PDE1C: variants seen among roughly 807,000 people sequenced by gnomAD.
PDE1C encodes the protein dual specificity calcium/calmodulin-dependent 3',5'-cyclic nucleotide phosphodiesterase 1C.
A neutral mutation model predicts 93.1 loss-of-function variants in PDE1C; 62 were observed. That is an observed-to-expected ratio of 0.67 (90% CI 0.54 to 0.82). PDE1C has a LOEUF of 0.82. Among genes scored for constraint, PDE1C ranks in the 40% least tolerant of loss-of-function variants. PDE1C has a pLI of 0.00. For missense variants in PDE1C, 742 were observed against 884.6 expected, an observed-to-expected ratio of 0.84 and a Z score of 2.04; for synonymous variants, 325 against 310.1, an observed-to-expected ratio of 1.05 and a Z score of -0.50.
chr7:31,963,291 G>T (rs141293301), intron 2 of PDE1C, among the ~76,000 whole-genome samples: 1 of 152,170 alleles, frequency 6.6e-6, no homozygotes, highest in African/African-American at 2.4e-5. Flanking sequence ...AACACCAAAC[G>T]TTATGCTGAA....
At chr7:31,987,870 T>C (rs1783621967) in intron 2 of PDE1C, among the ~76,000 whole-genome samples, 1 of 152,158 alleles carries the variant, frequency 6.6e-6, no homozygotes, top group Admixed American at 6.5e-5. Context: ...GTGCTATGTG[T>C]CTGTGTTGGT....
intron 1 of PDE1C, among the ~76,000 whole-genome samples, chr7:32,059,060 G>A (rs567599088): frequency 8.5e-5 from 13 of 152,226 alleles, no homozygotes; most frequent in African/African-American, 3.1e-4. Context: ...TATTAGCTAG[G>A]TTTTCTAGTA....
intron 16 of PDE1C, chr7:31,783,922 A>C (rs749027106): frequency 2.6e-5 from 4 of 152,224 alleles, no homozygotes; most frequent in Non-Finnish European, 5.9e-5. Flanking sequence ...CCATGAAATC[A>C]AAACAAGTCC....
At chr7:32,222,829 C>T (rs1018183229) in intron 1 of PDE1C, among the ~76,000 whole-genome samples, 8 of 152,166 alleles carry the variant, frequency 5.3e-5, no homozygotes, top group Non-Finnish European at 1.2e-4. Context: ...ATCTGCTCTT[C>T]CCCAGATTTC....
At chr7:32,087,143 C>T (rs980130954) in intron 3 of PDE1C, among the ~76,000 whole-genome samples, 2 of 151,760 alleles carry the variant, frequency 1.3e-5, no homozygotes, top group East Asian at 3.9e-4. Context: ...ACAAAGAACT[C>T]AAACAAATTT....
chr7:31,878,531 C>T (rs554822424), intron 4 of PDE1C, among the ~76,000 whole-genome samples: 2 of 152,246 alleles, frequency 1.3e-5, no homozygotes, highest in South Asian at 4.1e-4. Flanking sequence ...ATATCTATTT[C>T]TGGAATCTAT....
rs1794137563 is a variant in PDE1C, at chr7:31,751,502, G to C, written c.*1882C>G. On this transcript the variant is annotated 3_prime_UTR_variant, in exon 18 of 18. Coordinates refer to ENST00000396191, the MANE Select transcript of PDE1C (RefSeq NM_001191057.4). ...TTTGAGGAGGCTACTACTCCCATGG[G>C]CCTCCTCAGTGTGTAGCCAAATGAC... The C allele has an allele frequency of 6.6e-6, 1 of 152,096 alleles. No individual in the cohort carries two copies. The highest frequency in any genetic ancestry group is 6.5e-5 in the Admixed American group (1 of 15,280). The allele number at this position is 152,096 out of a possible 1,614,324, so 9.4% of individuals were successfully genotyped here. A position where few individuals can be genotyped will look rare whatever the true frequency, so the allele number is the denominator to read the frequency against.
At chr7:31,867,855 T>A (rs558904507) in intron 6 of PDE1C, among the ~76,000 whole-genome samples, 2 of 152,266 alleles carry the variant, frequency 1.3e-5, no homozygotes, top group East Asian at 1.9e-4. Flanking sequence ...CCAACTGGCA[T>A]CCCATCTCCA....
chr7:32,034,054 C>CTGTGTGTGTGTG (rs5883321), intron 2 of PDE1C, among the ~76,000 whole-genome samples: 2,964 of 148,476 alleles, frequency 0.02, 105 homozygotes, highest in African/African-American at 0.068. Context: ...AGATGAGAGA[C>CTGTGTGTGTGTG]TGTGTGTGTG....
chr7:31,812,357 G>T (rs1366703346), intron 15 of PDE1C, among the ~76,000 whole-genome samples: 2 of 152,028 alleles, frequency 1.3e-5, no homozygotes, highest in Non-Finnish European at 2.9e-5. Flanking sequence ...CCCTCTCTGG[G>T]TCTTTGTTTC....
At chr7:32,047,908 G>A (rs532068051) in intron 2 of PDE1C, among the ~76,000 whole-genome samples, 18 of 152,172 alleles carry the variant, frequency 1.2e-4, no homozygotes, top group African/African-American at 4.3e-4. Flanking sequence ...TACTTTATTT[G>A]ACTAATTATT....
intron 2 of PDE1C, among the ~76,000 whole-genome samples, chr7:32,014,005 C>A (rs1315984558): frequency 6.6e-6 from 1 of 152,210 alleles, no homozygotes; most frequent in East Asian, 1.9e-4. Context: ...TTAGCTTAGA[C>A]CCTCAAGAAA....
At chr7:32,005,374 G>C (rs1396537819) in intron 2 of PDE1C, among the ~76,000 whole-genome samples, 2 of 151,782 alleles carry the variant, frequency 1.3e-5, no homozygotes, top group Non-Finnish European at 2.9e-5. Context: ...GGCTAACACG[G>C]TGAAATCCTG....
the PDE1C span, among the ~76,000 whole-genome samples, chr7:31,634,912 G>A: frequency 1.4e-4 from 21 of 152,142 alleles, no homozygotes; most frequent in Non-Finnish European, 2.4e-4. Flanking sequence ...GCCACTGAGG[G>A]CAATGAGACG....
At chr7:31,690,017 C>T in the PDE1C span, among the ~76,000 whole-genome samples, 31 of 152,258 alleles carry the variant, frequency 2.0e-4, no homozygotes, top group Non-Finnish European at 3.2e-4. Context: ...AGTTTTGTGA[C>T]GAATCACTGC....
chr7:31,694,640 G>A, the PDE1C span, among the ~76,000 whole-genome samples: 1 of 152,200 alleles, frequency 6.6e-6, no homozygotes, highest in South Asian at 2.1e-4. Context: ...GGCTGTGTCT[G>A]GAGCAGCAGG....
chr7:32,169,666 A>C (rs1802522852), intron 3 of PDE1C: 6 of 832,262 alleles, frequency 7.2e-6, no homozygotes, highest in Middle Eastern at 2.2e-4. Context: ...ATCAATTTTA[A>C]TTTATTCAGT....
the PDE1C span, among the ~76,000 whole-genome samples, chr7:31,669,589 A>T: frequency 6.6e-6 from 1 of 152,198 alleles, no homozygotes; most frequent in Non-Finnish European, 1.5e-5. Flanking sequence ...GGTTTTCTTC[A>T]TCATAAACTA....
chr7:31,902,294 C>T (rs1468660154), intron 2 of PDE1C, among the ~76,000 whole-genome samples: 1 of 151,522 alleles, frequency 6.6e-6, no homozygotes, highest in Non-Finnish European at 1.5e-5. Flanking sequence ...AAGCAATTCA[C>T]AGAAGAACTA....
Sources: gnomAD v4.1 joint callset for allele counts (sites outside exome capture counted in the v4.1 genomes callset) on GRCh38, gnomAD v4.1.1 for gene constraint, MANE v1.5 for transcripts, NCBI Gene and HGNC (gene_info 2026-07-23, HGNC 2026-07-21) for gene names.